LY75: variants seen among roughly 807,000 people sequenced by gnomAD.
LY75 encodes C-type lectin domain family 13 member B.
A neutral mutation model predicts 231.7 loss-of-function variants in LY75; 185 were observed. The ratio of observed to expected loss-of-function variants is 0.80; its 90% CI spans 0.71 to 0.90. The LOEUF (loss-of-function observed/expected upper bound fraction) is 0.90. Ranked by LOEUF, LY75 falls within the 40% of genes least tolerant of loss-of-function variation. The pLI is 0.00. For synonymous variants in LY75, 668 were observed against 689.0 expected, an observed-to-expected ratio of 0.97 and a Z score of 0.48; for missense variants, 1,947 against 2,050.2, an observed-to-expected ratio of 0.95 and a Z score of 0.97.
At chr2:159,877,285 T>A (rs1685305817) in intron 11 of LY75, among the ~76,000 whole-genome samples, 1 of 152,152 alleles carries the variant, frequency 6.6e-6, no homozygotes, top group Non-Finnish European at 1.5e-5. Context: ...TAAAAAATAG[T>A]CTTCATGATC....
intron 12 of LY75, among the ~76,000 whole-genome samples, chr2:159,874,855 A>G (rs1405004269): frequency 7.6e-6 from 1 of 131,560 alleles, no homozygotes; most frequent in Non-Finnish European, 1.6e-5. Context: ...GTAAATATAT[A>G]TATATTTTGT....
chr2:159,804,013 C>G lies in LY75; in HGVS notation c.*1031G>C, dbSNP rs1410512429. 6.6e-6 allele frequency: 1 copy of G among 152,132 alleles called. No homozygotes were observed. The highest frequency in any genetic ancestry group is 2.4e-5 in the African/African-American group (1 of 41,434). The allele number at this position is 152,132 out of a possible 1,614,324, so 9.4% of individuals were successfully genotyped here. A position where few individuals can be genotyped will look rare whatever the true frequency, so the allele number is the denominator to read the frequency against. On this transcript the variant is annotated 3_prime_UTR_variant, in exon 35 of 35. Coordinates refer to ENST00000263636, the MANE Select transcript of LY75 (RefSeq NM_002349.4). ...CAGTCATGTAATACATCAGAAAATGCAAAGCACACTGCTACAAGGTACCTA... is the reference window on the plus strand; with the variant it reads ...CAGTCATGTAATACATCAGAAAATGGAAAGCACACTGCTACAAGGTACCTA...
intron 13 of LY75, among the ~76,000 whole-genome samples, chr2:159,869,040 A>G (rs1426767467): frequency 6.6e-6 from 1 of 152,142 alleles, no homozygotes; most frequent in Non-Finnish European, 1.5e-5. Flanking sequence ...TGAGCAAACT[A>G]TCGCAAGGAC....
chr2:159,842,653 C>G (rs983940959), intron 23 of LY75, among the ~76,000 whole-genome samples: 4 of 152,114 alleles, frequency 2.6e-5, no homozygotes, highest in African/African-American at 9.7e-5. Flanking sequence ...ATATTTAACA[C>G]TCGACTACAG....
chr2:159,853,989 A>C (rs1684476889), intron 18 of LY75, among the ~76,000 whole-genome samples: 1 of 152,186 alleles, frequency 6.6e-6, no homozygotes, highest in Non-Finnish European at 1.5e-5. Flanking sequence ...ATTGATTATA[A>C]ATTTAAAAAT....
At chr2:159,902,647 C>G (rs1686113926) in intron 1 of LY75, 1 of 152,208 alleles carries the variant, frequency 6.6e-6, no homozygotes, top group South Asian at 2.1e-4. Flanking sequence ...AGAGTCTCTA[C>G]CATGTGTTCG....
intron 13 of LY75, among the ~76,000 whole-genome samples, chr2:159,866,526 T>C (rs1684863046): frequency 6.6e-6 from 1 of 152,120 alleles, no homozygotes; most frequent in Admixed American, 6.6e-5. Flanking sequence ...TTAAATCCAG[T>C]TTAAATTTAG....
At chr2:159,816,755 C>T in intron 30 of LY75, 51 bp downstream of exon 30, 3 of 1,599,608 alleles carry the variant, frequency 1.9e-6, no homozygotes, top group Non-Finnish European at 2.6e-6. Context: ...AAATTTCTAA[C>T]CCTCAAAATA....
chr2:159,840,013 A>AAAAAAAAAAG (rs1683962051), intron 25 of LY75, among the ~76,000 whole-genome samples: 1 of 150,090 alleles, frequency 6.7e-6, no homozygotes, highest in Non-Finnish European at 1.5e-5. Context: ...CTCAAAAAAA[A>AAAAAAAAAAG]AAAAAAGAAA....
intron 13 of LY75, among the ~76,000 whole-genome samples, chr2:159,869,934 G>A (rs1370829453): frequency 6.6e-6 from 1 of 152,168 alleles, no homozygotes; most frequent in Non-Finnish European, 1.5e-5. Context: ...GAACCCAAGA[G>A]TTAGTATTTA....
At chr2:159,817,183 G>T in intron 29 of LY75, 151 bp from the exon 30 acceptor site, 1 of 802,038 alleles carries the variant, frequency 1.2e-6, no homozygotes, top group Non-Finnish European at 1.9e-6. Context: ...TTTCTTACTG[G>T]TATGACACAT....
intron 3 of LY75, 129 bp from the exon 4 acceptor site, chr2:159,890,506 T>G (rs1685718647): frequency 7.9e-7 from 1 of 1,257,996 alleles, no homozygotes; most frequent in Admixed American, 2.6e-5. Flanking sequence ...CTGCCATCAC[T>G]CATTTAGACC....
rs1684548921 is a variant in LY75, at chr2:159,856,301, T to A, written c.2384-1362A>T. 1.3e-5 allele frequency among the ~76,000 whole-genome samples: 2 copies of A among 152,170 alleles called. 1 individual carries two copies. The highest frequency in any genetic ancestry group is 4.1e-4 in the South Asian group (2 of 4,828). ...CACAGTTTTCTCAAAAAATAATATT[T>A]AAAAAGTACAAATATCCACTGTGGT... is the stretch of plus-strand genomic sequence containing the variant. On this transcript the variant is annotated intron_variant, in intron 16 of 34. Coordinates refer to ENST00000263636, the MANE Select transcript of LY75 (RefSeq NM_002349.4).
intron 28 of LY75, among the ~76,000 whole-genome samples, chr2:159,824,580 T>C (rs1048651559): frequency 6.6e-6 from 1 of 152,102 alleles, no homozygotes; most frequent in Non-Finnish European, 1.5e-5. Flanking sequence ...ACAAGGATAT[T>C]CAGGACTTGA....
At chr2:159,887,746 T>C (rs1685639219) in intron 4 of LY75, among the ~76,000 whole-genome samples, 4 of 152,102 alleles carry the variant, frequency 2.6e-5, no homozygotes, top group African/African-American at 9.7e-5. Flanking sequence ...ACTTCTAAAA[T>C]TAATGATATG....
Position 159,805,205 on chromosome 2 carries a change from T to C in LY75, c.5008A>G (p.Ile1670Val). The C allele has an allele frequency of 6.2e-7, 1 of 1,614,004 alleles. No homozygotes were observed. Among genetic ancestry groups the C allele is most frequent in the Non-Finnish European group, 8.5e-7 (1 of 1,179,912 alleles). Residue 1670 changes from isoleucine (I) to valine (V), a missense_variant, in exon 35 of 35, where the codon ATA becomes GTA. By Grantham distance (29) the Ile-to-Val change is conservative. Transcript: ENST00000263636. ...CTTAGTGTGGCAACTATGATAGCTA[T>C]TGCTGTGTAATCAGGGCCTGGAACA... is the stretch of plus-strand genomic sequence containing the variant. ...KVPLGPDYTA[I>V]AIIVATLSIL...
At chr2:159,808,259 G>T in intron 33 of LY75, 190 bp downstream of exon 33, 2 of 775,044 alleles carry the variant, frequency 2.6e-6, no homozygotes, top group Non-Finnish European at 3.1e-6. Context: ...AGTGGTTTCC[G>T]TCATTGCTAA....
intron 27 of LY75, among the ~76,000 whole-genome samples, chr2:159,832,254 G>T (rs1683686659): frequency 6.6e-6 from 1 of 152,206 alleles, no homozygotes. Flanking sequence ...GGGCCATACA[G>T]CAGGAGGTGA....
Position 159,901,000 on chromosome 2 carries a change from G to A in LY75, c.95-1941C>T, listed in dbSNP as rs970701792. Among the ~76,000 whole-genome samples the A allele has an allele frequency of 7.2e-5, 11 of 152,052 alleles. No homozygotes were observed. The Middle Eastern group carries it at 0.014, about 188-fold the overall frequency. On this transcript the variant is annotated intron_variant, in intron 1 of 34. Transcript: ENST00000263636. Reference sequence around the variant, plus strand: ...ATTACAGGTGCCTGCCACCACACCCGGGTAATTTTTGTATTTTTAGTAGAG... The same window carrying A: ...ATTACAGGTGCCTGCCACCACACCCAGGTAATTTTTGTATTTTTAGTAGAG...
Sources: gnomAD v4.1 joint callset for allele counts (sites outside exome capture counted in the v4.1 genomes callset) on GRCh38, gnomAD v4.1.1 for gene constraint, MANE v1.5 for transcripts, NCBI Gene and HGNC (gene_info 2026-07-23, HGNC 2026-07-21) for gene names.